RCOR3: variants seen among roughly 807,000 people sequenced by gnomAD.
RCOR3 encodes the protein REST corepressor 3.
In RCOR3, 13 loss-of-function variants were observed where a neutral mutation model predicts 64.1. The observed-to-expected ratio is 0.20, with a 90% CI of 0.13 to 0.32. The LOEUF is 0.32. Ranked by LOEUF, RCOR3 falls within the 10% of genes least tolerant of loss-of-function variation. The probability of loss-of-function intolerance (pLI) is 1.00; values close to 1 mark genes in which losing one functional copy is unlikely to be tolerated. For missense variants in RCOR3, 489 were observed against 701.2 expected, an observed-to-expected ratio of 0.70 and a Z score of 3.42; for synonymous variants, 215 against 239.0, an observed-to-expected ratio of 0.90 and a Z score of 0.93.
chr1:211,259,891 C>T (rs1296594995), intron 1 of RCOR3, 165 bp downstream of exon 1: 2 of 1,037,152 alleles, frequency 1.9e-6, no homozygotes, highest in African/African-American at 1.8e-5. Flanking sequence ...CGCGACCCCC[C>T]GTCCCTCCGC....
At chr1:211,271,369 T>C (rs1316619968) in intron 3 of RCOR3, 60 bp downstream of exon 3, 4 of 1,354,802 alleles carry the variant, frequency 3.0e-6, no homozygotes, top group African/African-American at 1.4e-5. Flanking sequence ...ATTCAAAATA[T>C]GACTTACGTT....
intron 4 of RCOR3, among the ~76,000 whole-genome samples, chr1:211,275,308 A>G (rs928298456): frequency 6.6e-6 from 1 of 152,034 alleles, no homozygotes; most frequent in African/African-American, 2.4e-5. Flanking sequence ...TGAGATGTTT[A>G]TTTTATATCT....
At chr1:211,272,789 T>C (rs1478626842) in intron 3 of RCOR3, among the ~76,000 whole-genome samples, 1 of 150,400 alleles carries the variant, frequency 6.6e-6, no homozygotes, top group Non-Finnish European at 1.5e-5. Context: ...GCCCGGCTAA[T>C]TTTTTGTATT....
chr1:211,305,498 A>T (rs1446494089), intron 10 of RCOR3, among the ~76,000 whole-genome samples: 1 of 152,158 alleles, frequency 6.6e-6, no homozygotes. Flanking sequence ...TTGAATAGGC[A>T]TTGCTTTTTA....
intron 4 of RCOR3, among the ~76,000 whole-genome samples, chr1:211,274,558 A>G (rs1346188362): frequency 6.6e-6 from 1 of 152,074 alleles, no homozygotes; most frequent in African/African-American, 2.4e-5. Flanking sequence ...TACCAAAATG[A>G]AAAGTTAAGG....
At chr1:211,289,442 T>C (rs1698971893) in intron 8 of RCOR3, 46 bp downstream of exon 8, 1 of 1,468,286 alleles carries the variant, frequency 6.8e-7, no homozygotes, top group Non-Finnish European at 9.3e-7. Context: ...GCATTTTGGC[T>C]ATCCGCTTTT....
chr1:211,279,184 TC>T (rs1697422252), intron 6 of RCOR3, 53 bp from the exon 7 acceptor site: 1 of 1,113,698 alleles, frequency 9.0e-7, no homozygotes, highest in Non-Finnish European at 1.2e-6. Flanking sequence ...TGAAACGCTG[TC>T]TTAAAAAAAA....
chr1:211,265,711 C>CT (rs1302563157), intron 2 of RCOR3, among the ~76,000 whole-genome samples: 1 of 152,162 alleles, frequency 6.6e-6, no homozygotes, highest in African/African-American at 2.4e-5. Context: ...GAGCGAGACT[C>CT]TGTCTCAAAT....
chr1:211,294,726 A>G (rs1194436211), intron 8 of RCOR3, among the ~76,000 whole-genome samples: 1 of 151,818 alleles, frequency 6.6e-6, no homozygotes, highest in Non-Finnish European at 1.5e-5. Flanking sequence ...AGTAGCTGGG[A>G]CTACAGGCGT....
chr1:211,276,903 A>G (rs1296169779), intron 5 of RCOR3, among the ~76,000 whole-genome samples: 1 of 151,920 alleles, frequency 6.6e-6, no homozygotes, highest in Non-Finnish European at 1.5e-5. Flanking sequence ...TGGCTAACAC[A>G]GTGAAACCCC....
intron 7 of RCOR3, 25 bp from the exon 8 acceptor site, chr1:211,289,153 T>G (rs1698936234): frequency 6.4e-7 from 1 of 1,565,076 alleles, no homozygotes; most frequent in Non-Finnish European, 8.8e-7. Flanking sequence ...CCAAGTGACC[T>G]GTTATTCTGC....
chr1:211,303,144 G>A (rs764894888), intron 9 of RCOR3: 7 of 151,972 alleles, frequency 4.6e-5, no homozygotes, highest in Admixed American at 6.6e-5. Context: ...GAATACAGTG[G>A]TTCGTTTTAG....
chr1:211,292,215 C>T (rs949237505), intron 8 of RCOR3, among the ~76,000 whole-genome samples: 2 of 152,182 alleles, frequency 1.3e-5, no homozygotes, highest in African/African-American at 4.8e-5. Flanking sequence ...CTTTGTGACT[C>T]TCTGGAGTAT....
At chr1:211,287,719 A>G (rs1169938677) in intron 7 of RCOR3, among the ~76,000 whole-genome samples, 1 of 152,180 alleles carries the variant, frequency 6.6e-6, no homozygotes, top group Non-Finnish European at 1.5e-5. Context: ...CATCTCTACT[A>G]AAAATACAAA....
chr1:211,313,382 GA>G lies in RCOR3; in HGVS notation c.1318-41del, dbSNP rs1438902007. 6.3e-7 allele frequency: 1 copy of G among 1,574,968 alleles called. No individual in the cohort carries two copies. Among genetic ancestry groups the G allele is most frequent in the South Asian group, 1.2e-5 (1 of 85,204 alleles). ...AACTATATTGTATTAAGTTCATTAG[GA>G]CTTACATCTCATACGTGTATTTTTG... On this transcript the variant is annotated intron_variant, in intron 11 of 11. Coordinates refer to ENST00000419091, the MANE Select transcript of RCOR3 (RefSeq NM_001136223.3). The surrounding 1 kb of genome is among the most constrained non-coding windows in gnomAD (Gnocchi z 4.7).
At position 211,288,523 on chromosome 1, in the gene RCOR3, T is replaced by TTG. The variant is rs1698842839; in HGVS notation, c.721-655_721-654insTG. Among the ~76,000 whole-genome samples, 6 of 138,396 alleles carry TTG rather than the reference T, an allele frequency of 4.3e-5. No homozygotes were observed. In the East Asian group the frequency reaches 6.3e-4, roughly 15 times the overall value. The allele number at this position is 138,396 out of a possible 152,430, so 90.8% of individuals were successfully genotyped here. ...AATTATTTTATAAATATATTTATAA[T>TTG]AAATTTATAAATTATAAAATTATTT... is the stretch of plus-strand genomic sequence containing the variant. On this transcript the variant is annotated intron_variant, in intron 7 of 11. Transcript: ENST00000419091.
At chr1:211,291,486 C>T (rs1248987868) in intron 8 of RCOR3, 8 of 441,816 alleles carry the variant, frequency 1.8e-5, no homozygotes, top group South Asian at 1.3e-4. Flanking sequence ...TAAGGGAATA[C>T]TCAACCTGGA....
intron 7 of RCOR3, among the ~76,000 whole-genome samples, chr1:211,280,334 A>G (rs1267901519): frequency 2.0e-5 from 3 of 152,166 alleles, no homozygotes; most frequent in Admixed American, 6.5e-5. Context: ...ACCGTGGTAT[A>G]TTAGTACTTA....
rs909347066 is a variant in RCOR3 at position 211,314,573 on chromosome 1, T to G, written c.*805T>G. 1.3e-5 allele frequency: 2 copies of G among 152,214 alleles called. No individual in the cohort carries two copies. Among genetic ancestry groups the G allele is most frequent in the African/African-American group, 4.8e-5 (2 of 41,464 alleles). The allele number at this position is 152,214 out of a possible 1,614,324, so 9.4% of individuals were successfully genotyped here. ...GGACTTAATTTGTTGAAATATAATC[T>G]CTTTAAGTTCCTTGAAAATGGAGTT... On this transcript the variant is annotated 3_prime_UTR_variant, in exon 12 of 12. Coordinates refer to ENST00000419091, the MANE Select transcript of RCOR3 (RefSeq NM_001136223.3).
Sources: allele counts gnomAD v4.1 joint callset (sites outside exome capture counted in the v4.1 genomes callset), GRCh38; gene constraint gnomAD v4.1.1; non-coding constraint Gnocchi (gnomAD v3.1); transcripts MANE v1.5; gene names NCBI Gene and HGNC (gene_info 2026-07-23, HGNC 2026-07-21).